Variants in HACD3 observed in about 807,000 individuals in gnomAD.
The protein encoded by HACD3 is 3-hydroxyacyl-CoA dehydratase 3, also known as very-long-chain (3R)-3-hydroxyacyl-CoA dehydratase 3.
A neutral mutation model predicts 55.2 loss-of-function variants in HACD3; 30 were observed. The observed-to-expected ratio is 0.54, with a 90% confidence interval of 0.41 to 0.74. HACD3 has a LOEUF of 0.74. HACD3 is among the 30% of genes least tolerant of loss of function. The pLI is 0.00. For synonymous variants in HACD3, 141 were observed against 151.7 expected (o/e 0.93, Z 0.52); for missense variants, 363 against 440.1 (o/e 0.82, Z 1.57).
chr15:65,536,409 C>T (rs576469901), intron 1 of HACD3, among the ~76,000 whole-genome samples: 1 of 152,168 alleles, frequency 6.6e-6, no homozygotes, highest in Non-Finnish European at 1.5e-5. Flanking sequence ...CCATCTCTCT[C>T]CCTCTCCTTG....
rs1369686691 is a variant in HACD3 at position 65,530,502 on chromosome 15, G to C, written c.-130G>C. ...GCGGCCCGCGAGCGTGGGGTATCTC[G>C]AGGTGCCGGGTTGCAGGCGCTCAGG... is the stretch of plus-strand genomic sequence containing the variant. On this transcript the variant is annotated 5_prime_UTR_variant, in exon 1 of 11. Coordinates refer to ENST00000261875, the MANE Select transcript of HACD3 (RefSeq NM_016395.4). The C allele has an allele frequency of 1.6e-5, 12 of 752,260 alleles. No homozygotes were observed. Among genetic ancestry groups the C allele is most frequent in the Middle Eastern group, 2.8e-4 (1 of 3,586 alleles). 46.6% of individuals were successfully genotyped at this position (752,260 alleles called of 1,614,324 possible).
chr15:65,530,848 G>T (rs1354387379), intron 1 of HACD3, 130 bp downstream of exon 1: 1 of 866,350 alleles, frequency 1.2e-6, no homozygotes, highest in African/African-American at 1.8e-5. Context: ...GCGACGCGGT[G>T]CGCTTACGGC....
At chr15:65,566,626 T>G (rs2072295407) in intron 7 of HACD3, 1 of 152,278 alleles carries the variant, frequency 6.6e-6, no homozygotes, top group Non-Finnish European at 1.5e-5. Context: ...CCACAACATG[T>G]GGGAATTCTA....
intron 1 of HACD3, chr15:65,535,623 C>G: frequency 2.5e-6 from 1 of 399,762 alleles, no homozygotes; most frequent in Non-Finnish European, 4.4e-6. Context: ...TTTGTTAATT[C>G]TTGGAATAGT....
At chr15:65,570,244 T>A in intron 8 of HACD3, 41 bp downstream of exon 8, 1 of 1,365,570 alleles carries the variant, frequency 7.3e-7, no homozygotes. Context: ...TGCTGCTCCC[T>A]GTTTGCAGCA....
intron 2 of HACD3, among the ~76,000 whole-genome samples, chr15:65,552,427 C>T (rs2072143114): frequency 6.6e-6 from 1 of 152,180 alleles, no homozygotes; most frequent in African/African-American, 2.4e-5. Context: ...CCTCCGCCTC[C>T]TGGGTTCAAG....
intron 7 of HACD3, chr15:65,565,738 T>A (rs2072284406): frequency 6.6e-6 from 1 of 152,242 alleles, no homozygotes; most frequent in South Asian, 2.1e-4. Flanking sequence ...CCCCATGGTC[T>A]TGGGGATTAC....
At chr15:65,549,599 CAAAAAAAA>C (rs5813363) in intron 1 of HACD3, among the ~76,000 whole-genome samples, 1 of 42,478 alleles carries the variant, frequency 2.4e-5, no homozygotes, top group Admixed American at 2.5e-4. Flanking sequence ...GATTCCATCT[CAAAAAAAA>C]AAAAAAAAAA....
Position 65,530,537 on chromosome 15 carries a change from G to A in HACD3, c.-95G>A. On this transcript the variant is annotated 5_prime_UTR_variant, in exon 1 of 11. Transcript: ENST00000261875. The stretch of plus-strand genomic sequence containing the variant: ...GTTGCAGGCGCTCAGGAGCGCTAGG[G>A]TTTGAGGCCTGCTTTCTGCTCGCGC... 8.3e-7 allele frequency: 1 copy of A among 1,203,620 alleles called. No homozygotes were observed. The highest frequency in any genetic ancestry group is 1.2e-6 in the Non-Finnish European group (1 of 855,724). 74.6% of individuals were successfully genotyped at this position (1,203,620 alleles called of 1,614,324 possible).
chr15:65,575,480 G>A (rs183948324), intron 10 of HACD3, among the ~76,000 whole-genome samples: 1 of 152,078 alleles, frequency 6.6e-6, no homozygotes, highest in African/African-American at 2.4e-5. Flanking sequence ...GAGCCACCAC[G>A]CCTGGCCATG....
At position 65,546,635 on chromosome 15, in the gene HACD3, C is replaced by G. The variant is rs566924165; in HGVS notation, c.88-5041C>G. The stretch of plus-strand genomic sequence containing the variant: ...CTTGAGACAGGGTCTTGCTCTGTCA[C>G]CCAGGCTGGAGTCCAGGCTGGTCCC... On this transcript the variant is annotated intron_variant, in intron 1 of 10. Transcript: ENST00000261875. Among the ~76,000 whole-genome samples the G allele has an allele frequency of 2.6e-3, 394 of 152,230 alleles. 1 individual carries two copies. The highest frequency in any genetic ancestry group is 8.8e-3 in the African/African-American group (366 of 41,542).
intron 6 of HACD3, 37 bp downstream of exon 6, chr15:65,562,921 CAGT>C: frequency 6.2e-7 from 1 of 1,605,554 alleles, no homozygotes; most frequent in Non-Finnish European, 8.5e-7. Flanking sequence ...TTCCCTTTCT[CAGT>C]AGTTTGGCCC....
At position 65,571,618 on chromosome 15, in the gene HACD3, T is replaced by G. The variant is rs780422519; in HGVS notation, c.844T>G (p.Trp282Gly). The change falls in exon 9 of 11, where the codon TGG (tryptophan) becomes GGG (glycine). Residue 282 changes from tryptophan to glycine, a missense_variant. Physicochemically the swap from Trp to Gly is radical, Grantham distance 184. Coordinates refer to ENST00000261875, the MANE Select transcript of HACD3 (RefSeq NM_016395.4). ...KVLTWLRYTL[W>G]IPLYPLGCLA... ...GCTCACATGGCTTCGTTACACTCTG[T>G]GGATTCCCTTATATCCACTGGGATG... 9 of 1,613,710 alleles carry G rather than the reference T, an allele frequency of 5.6e-6. No individual in the cohort carries two copies. The Admixed American group carries it at 1.5e-4, about 27-fold the overall frequency.
In HACD3 at chr15:65,549,556, C is replaced by T. The variant is rs150601918; in HGVS notation, c.88-2120C>T. On this transcript the variant is annotated intron_variant, in intron 1 of 10. Coordinates refer to ENST00000261875, the MANE Select transcript of HACD3 (RefSeq NM_016395.4). The stretch of plus-strand genomic sequence containing the variant: ...TGGAGGTTGCAGTGAATTGAGATGG[C>T]GCCACTGTACTCCAGCCTGGGTGAC... 5.2e-3 allele frequency among the ~76,000 whole-genome samples: 761 copies of T among 145,500 alleles called. 3 individuals are homozygous for T. The highest frequency in any genetic ancestry group is 0.018 in the African/African-American group (686 of 38,964).
At chr15:65,558,257 TC>T (rs2072213445) in intron 4 of HACD3, among the ~76,000 whole-genome samples, 1 of 152,230 alleles carries the variant, frequency 6.6e-6, no homozygotes, top group East Asian at 1.9e-4. Flanking sequence ...AAACGTGAGT[TC>T]ATAGTGATGT....
intron 1 of HACD3, among the ~76,000 whole-genome samples, chr15:65,545,266 A>G (rs541094341): frequency 2.0e-5 from 3 of 152,348 alleles, no homozygotes; most frequent in East Asian, 3.9e-4. Flanking sequence ...GGATGCCATA[A>G]GTAACCATAT....
At chr15:65,544,628 A>G (rs1362026284) in intron 1 of HACD3, among the ~76,000 whole-genome samples, 1 of 152,176 alleles carries the variant, frequency 6.6e-6, no homozygotes, top group African/African-American at 2.4e-5. Context: ...CCATATCTCA[A>G]TAAAAATTTC....
At chr15:65,575,467 C>T (rs1289967037) in intron 10 of HACD3, among the ~76,000 whole-genome samples, 4 of 152,052 alleles carry the variant, frequency 2.6e-5, no homozygotes, top group South Asian at 2.1e-4. Context: ...AGATTACGGT[C>T]GTGAGCCACC....
At chr15:65,537,597 G>C (rs901483146) in intron 1 of HACD3, among the ~76,000 whole-genome samples, 2 of 151,004 alleles carry the variant, frequency 1.3e-5, no homozygotes, top group Non-Finnish European at 3.0e-5. Context: ...TCAAGATCAG[G>C]CTGACCAACA....
Sources: allele counts gnomAD v4.1 joint callset (sites outside exome capture counted in the v4.1 genomes callset), GRCh38; gene constraint gnomAD v4.1.1; transcripts MANE v1.5; gene names NCBI Gene and HGNC (gene_info 2026-07-23, HGNC 2026-07-21).